Variants in LRP1B observed in about 807,000 individuals in gnomAD.
LRP1B encodes LDL receptor related protein 1B, also known as low-density lipoprotein receptor-related protein 1B.
Under a neutral mutation model 556.6 loss-of-function variants are expected in LRP1B, and 217 were observed. The observed-to-expected ratio is 0.39, with a 90% confidence interval of 0.35 to 0.44. The LOEUF (loss-of-function observed/expected upper bound fraction) is 0.44. Ranked by LOEUF, LRP1B falls within the 20% of genes least tolerant of loss-of-function variation. The pLI is 1.00. For synonymous variants in LRP1B, 2,047 were observed against 1,865.8 expected (o/e 1.10, Z -2.50); for missense variants, 5,053 against 5,620.8 (o/e 0.90, Z 3.23).
At chr2:141,831,584 T>C (rs1459901994) in intron 1 of LRP1B, among the ~76,000 whole-genome samples, 2 of 151,788 alleles carry the variant, frequency 1.3e-5, no homozygotes, top group African/African-American at 4.8e-5. Flanking sequence ...ATAAAACTCA[T>C]TAAGTTTTGG....
intron 66 of LRP1B, among the ~76,000 whole-genome samples, chr2:140,412,789 A>G (rs1685020975): frequency 6.6e-6 from 1 of 152,088 alleles, no homozygotes. Flanking sequence ...ACATTCTATC[A>G]TACCATTAAT....
intron 1 of LRP1B, among the ~76,000 whole-genome samples, chr2:142,016,432 T>C (rs953509536): frequency 2.6e-5 from 4 of 152,270 alleles, no homozygotes; most frequent in African/African-American, 9.6e-5. Flanking sequence ...CCAACCCAAA[T>C]GCCCATCAAT....
chr2:141,812,967 G>A (rs1696407817), intron 1 of LRP1B, among the ~76,000 whole-genome samples: 1 of 152,072 alleles, frequency 6.6e-6, no homozygotes, highest in South Asian at 2.1e-4. Flanking sequence ...ATGTGTACAT[G>A]TGTCTGTGAG....
At chr2:140,754,183 A>G (rs80123835) in intron 35 of LRP1B, among the ~76,000 whole-genome samples, 2,281 of 152,288 alleles carry the variant, frequency 0.015, 50 homozygotes, top group African/African-American at 0.05. Flanking sequence ...ATCAAAAACA[A>G]TGGAGATTTT....
intron 2 of LRP1B, among the ~76,000 whole-genome samples, chr2:141,734,522 C>T (rs1039439022): frequency 6.6e-6 from 1 of 151,862 alleles, no homozygotes; most frequent in Admixed American, 6.6e-5. Flanking sequence ...TAAGAAAAAC[C>T]ATTAAAAGTG....
intron 2 of LRP1B, among the ~76,000 whole-genome samples, chr2:141,798,320 G>T (rs899630415): frequency 6.6e-6 from 1 of 152,146 alleles, no homozygotes; most frequent in Admixed American, 6.5e-5. Flanking sequence ...TCAGCTTAAA[G>T]TTCACAATGA....
chr2:140,586,387 C>T (rs1026021632), intron 43 of LRP1B, among the ~76,000 whole-genome samples: 6 of 152,124 alleles, frequency 3.9e-5, no homozygotes, highest in Admixed American at 3.3e-4. Context: ...AAAGAAACAA[C>T]CTAGCAAGCA....
At chr2:141,711,737 T>C (rs1032972794) in intron 2 of LRP1B, among the ~76,000 whole-genome samples, 17 of 152,110 alleles carry the variant, frequency 1.1e-4, no homozygotes, top group Non-Finnish European at 2.5e-4. Flanking sequence ...CTACTCACAG[T>C]TTTCTGATTT....
At chr2:141,795,857 A>AATATATATATATATATAT (rs1198211801) in intron 2 of LRP1B, among the ~76,000 whole-genome samples, 5 of 51,600 alleles carry the variant, frequency 9.7e-5, no homozygotes, top group Admixed American at 2.3e-4. Flanking sequence ...AACCAGGAGC[A>AATATATATATATATATAT]ATATATATAT....
chr2:140,375,248 T>C (rs1237138652), intron 68 of LRP1B, among the ~76,000 whole-genome samples: 1 of 142,836 alleles, frequency 7.0e-6, no homozygotes. Flanking sequence ...AATGCACAAA[T>C]TGTCCCTTTT....
intron 3 of LRP1B, among the ~76,000 whole-genome samples, chr2:141,416,000 A>G (rs1691087079): frequency 6.6e-6 from 1 of 152,246 alleles, no homozygotes; most frequent in African/African-American, 2.4e-5. Flanking sequence ...ACTACTGCCC[A>G]TCTTTTGAAT....
At chr2:140,774,144 C>A (rs983482806) in intron 33 of LRP1B, among the ~76,000 whole-genome samples, 1 of 152,120 alleles carries the variant, frequency 6.6e-6, no homozygotes, top group Non-Finnish European at 1.5e-5. Flanking sequence ...ACTAATGAAG[C>A]TTTTACGCTA....
At chr2:140,666,301 TACACACACACACACACACAC>T (rs56905500) in intron 41 of LRP1B, among the ~76,000 whole-genome samples, 1 of 147,790 alleles carries the variant, frequency 6.8e-6, no homozygotes, top group Non-Finnish European at 1.5e-5. Flanking sequence ...CCATTTATTA[TACACACACACACACACACAC>T]ACACACACAC....
intron 41 of LRP1B, among the ~76,000 whole-genome samples, chr2:140,699,624 G>A (rs1351812121): frequency 6.6e-6 from 1 of 150,990 alleles, no homozygotes; most frequent in Non-Finnish European, 1.5e-5. Context: ...TAAGAAGATG[G>A]TTTTTGTTAA....
chr2:140,420,881 A>C (rs1685410857), intron 66 of LRP1B, among the ~76,000 whole-genome samples: 1 of 152,186 alleles, frequency 6.6e-6, no homozygotes, highest in Admixed American at 6.5e-5. Flanking sequence ...GTGATAAATA[A>C]GTCCGTTATC....
At chr2:141,747,087 A>G (rs1048039122) in intron 2 of LRP1B, among the ~76,000 whole-genome samples, 1 of 152,216 alleles carries the variant, frequency 6.6e-6, no homozygotes, top group Non-Finnish European at 1.5e-5. Context: ...GTCAGGCTAG[A>G]ATATTACAAA....
intron 3 of LRP1B, among the ~76,000 whole-genome samples, chr2:141,391,379 A>G (rs1326481462): frequency 6.6e-6 from 1 of 152,204 alleles, no homozygotes; most frequent in Non-Finnish European, 1.5e-5. Context: ...TATCTACAGA[A>G]TGTCAGGTTA....
At chr2:140,818,054 G>A (rs1691189848) in intron 31 of LRP1B, among the ~76,000 whole-genome samples, 1 of 152,098 alleles carries the variant, frequency 6.6e-6, no homozygotes, top group South Asian at 2.1e-4. Flanking sequence ...AAAAAATTGT[G>A]TTAAACATTG....
intron 7 of LRP1B, among the ~76,000 whole-genome samples, chr2:141,180,712 C>CA (rs1680950743): frequency 6.6e-6 from 1 of 151,610 alleles, no homozygotes; most frequent in African/African-American, 2.4e-5. Flanking sequence ...TTAAAAAACC[C>CA]AAAAAACAAA....
Sources: gnomAD v4.1 joint callset for allele counts (sites outside exome capture counted in the v4.1 genomes callset) on GRCh38, gnomAD v4.1.1 for gene constraint, MANE v1.5 for transcripts, NCBI Gene and HGNC (gene_info 2026-07-23, HGNC 2026-07-21) for gene names.